Variants in RGSL1 observed in about 807,000 individuals in gnomAD.
The protein encoded by RGSL1 is regulator of G protein signaling like 1, also known as regulator of G protein signaling protein-like.
In RGSL1, 97 loss-of-function variants were observed where a neutral mutation model predicts 124.7. The ratio of observed to expected loss-of-function variants is 0.78; its 90% confidence interval spans 0.66 to 0.92. The LOEUF is 0.92. Ranked by LOEUF, RGSL1 falls within the 40% of genes least tolerant of loss-of-function variation. The probability of loss-of-function intolerance (pLI) is 0.00; values close to 1 mark genes in which losing one functional copy is unlikely to be tolerated. For synonymous variants in RGSL1, 424 were observed against 438.1 expected (o/e 0.97, Z 0.40); for missense variants, 1,233 against 1,288.4 (o/e 0.96, Z 0.66).
intron 16 of RGSL1, 87 bp downstream of exon 16, chr1:182,548,542 T>C (rs1219524222): frequency 2.0e-6 from 3 of 1,525,948 alleles, no homozygotes; most frequent in Non-Finnish European, 1.8e-6. Context: ...GTCAGGCACC[T>C]CATAAGTCCT....
In RGSL1 at chr1:182,473,916, G is replaced by T. The variant is rs367949054; in HGVS notation, c.805G>T (p.Asp269Tyr). The change falls in exon 6 of 22, where the codon GAT becomes TAT. Residue 269 changes from aspartate to tyrosine, a missense_variant. By Grantham distance (160) the Asp-to-Tyr change is radical. Coordinates refer to ENST00000294854, the MANE Select transcript of RGSL1 (RefSeq NM_001137669.2). ...TCCTGACTCTTGGTCTCTGGAAATG[G>T]ATCTCAAGCCAGATGCTATTGGTAT... ...VDPDSWSLEM[D>Y]LKPDAIGMPL... 56 of 1,552,006 alleles carry T rather than the reference G, an allele frequency of 3.6e-5. No individual in the cohort carries two copies. The highest frequency in any genetic ancestry group is 4.5e-5 in the Non-Finnish European group (52 of 1,147,056).
In RGSL1 at chr1:182,549,008, C is replaced by G. The variant is rs1466482582; in HGVS notation, c.2933+184C>G. Reference sequence around the variant, plus strand: ...TCACACAGAACACCAAACACTGAATCCACAGATGGAAGGCAGAGTAAGACT... The same window carrying G: ...TCACACAGAACACCAAACACTGAATGCACAGATGGAAGGCAGAGTAAGACT... On this transcript the variant is annotated intron_variant, in intron 17 of 21. Coordinates refer to ENST00000294854, the MANE Select transcript of RGSL1 (RefSeq NM_001137669.2). The G allele has an allele frequency of 4.5e-6, 3 of 662,988 alleles. No individual in the cohort carries two copies. The African/African-American group carries it at 5.5e-5, about 12-fold the overall frequency. 41.1% of individuals were successfully genotyped at this position (662,988 alleles called of 1,614,324 possible). A position where few individuals can be genotyped will look rare whatever the true frequency, so the allele number is the denominator to read the frequency against.
At chr1:182,457,220 A>G (rs1184438698) in intron 2 of RGSL1, among the ~76,000 whole-genome samples, 1 of 152,154 alleles carries the variant, frequency 6.6e-6, no homozygotes, top group Non-Finnish European at 1.5e-5. Flanking sequence ...CGGTTCTAGG[A>G]GCTGACCAGG....
intron 4 of RGSL1, among the ~76,000 whole-genome samples, chr1:182,470,330 A>G (rs1488827340): frequency 1.3e-5 from 2 of 152,082 alleles, no homozygotes; most frequent in African/African-American, 2.4e-5. Flanking sequence ...TCAAGATCCT[A>G]GAGAACTGGC....
chr1:182,497,070 G>T (rs1366367734), intron 9 of RGSL1, among the ~76,000 whole-genome samples: 2 of 152,012 alleles, frequency 1.3e-5, no homozygotes, highest in African/African-American at 2.4e-5. Flanking sequence ...GTAATATTCT[G>T]CAGAGTAGAT....
At chr1:182,475,102 A>C (rs1382538104) in intron 6 of RGSL1, among the ~76,000 whole-genome samples, 1 of 152,170 alleles carries the variant, frequency 6.6e-6, no homozygotes, top group Non-Finnish European at 1.5e-5. Context: ...GTTGATGTCC[A>C]TTCCTTCTTC....
chr1:182,511,390 C>T (rs1657444616), intron 9 of RGSL1, among the ~76,000 whole-genome samples: 2 of 152,164 alleles, frequency 1.3e-5, no homozygotes, highest in Non-Finnish European at 2.9e-5. Flanking sequence ...TCTCAAACTC[C>T]CGACCTCAGG....
intron 4 of RGSL1, among the ~76,000 whole-genome samples, chr1:182,468,294 T>C (rs925945582): frequency 3.3e-5 from 5 of 152,130 alleles, no homozygotes; most frequent in African/African-American, 1.2e-4. Flanking sequence ...TATAAATCAT[T>C]CTACTATAAA....
intron 4 of RGSL1, among the ~76,000 whole-genome samples, chr1:182,471,948 G>A (rs1399751415): frequency 6.6e-6 from 1 of 152,142 alleles, no homozygotes; most frequent in Non-Finnish European, 1.5e-5. Context: ...CTTTCACTTT[G>A]CCACTCAGAG....
intron 6 of RGSL1, among the ~76,000 whole-genome samples, chr1:182,482,219 T>C (rs1010368230): frequency 6.6e-6 from 1 of 151,988 alleles, no homozygotes; most frequent in Non-Finnish European, 1.5e-5. Flanking sequence ...AAATTACATA[T>C]AGAAGGAAGG....
chr1:182,453,863 G>A (rs1234434263), intron 1 of RGSL1, 95 bp from the exon 2 acceptor site: 1 of 695,110 alleles, frequency 1.4e-6, no homozygotes, highest in Non-Finnish European at 2.6e-6. Context: ...CTGAGATTTG[G>A]CAACGTGAAA....
chr1:182,545,390 T>G (rs79573761), intron 15 of RGSL1, among the ~76,000 whole-genome samples: 2 of 152,196 alleles, frequency 1.3e-5, no homozygotes, highest in Non-Finnish European at 2.9e-5. Flanking sequence ...TTGTTCCTTC[T>G]GACAAATTTG....
chr1:182,520,467 A>G (rs1417700123), intron 9 of RGSL1, among the ~76,000 whole-genome samples: 1 of 152,198 alleles, frequency 6.6e-6, no homozygotes, highest in African/African-American at 2.4e-5. Context: ...CTAAAGACCT[A>G]TGGCTTTGTC....
chr1:182,478,031 GA>G (rs936010558), intron 6 of RGSL1, among the ~76,000 whole-genome samples: 2 of 151,970 alleles, frequency 1.3e-5, no homozygotes, highest in African/African-American at 4.8e-5. Flanking sequence ...AATAACATCT[GA>G]AAAAAAATTT....
chr1:182,552,488 A>G (rs1660626873), intron 18 of RGSL1, among the ~76,000 whole-genome samples: 1 of 152,158 alleles, frequency 6.6e-6, no homozygotes, highest in South Asian at 2.1e-4. Context: ...GGTGTCTTTC[A>G]GGGGAAAGTT....
At chr1:182,452,982 T>C (rs957806333) in intron 1 of RGSL1, among the ~76,000 whole-genome samples, 2 of 152,216 alleles carry the variant, frequency 1.3e-5, no homozygotes, top group Admixed American at 6.5e-5. Flanking sequence ...TGGTGGGCCA[T>C]TGATAAAACA....
At chr1:182,460,678 A>G (rs960213547) in intron 4 of RGSL1, 28 of 455,972 alleles carry the variant, frequency 6.1e-5, no homozygotes, top group Non-Finnish European at 9.7e-5. Flanking sequence ...AGGGACTCCC[A>G]GGAAGATGAT....
At chr1:182,461,442 C>CA (rs1230882577) in intron 4 of RGSL1, among the ~76,000 whole-genome samples, 47 of 149,032 alleles carry the variant, frequency 3.2e-4, no homozygotes, top group Admixed American at 1.6e-3. Context: ...CAGTTTTTAA[C>CA]AAAAAAAAAT....
intron 15 of RGSL1, among the ~76,000 whole-genome samples, chr1:182,544,292 A>G (rs1571700753): frequency 1.3e-5 from 2 of 151,972 alleles, no homozygotes; most frequent in African/African-American, 4.8e-5. Flanking sequence ...TAATTTCCAT[A>G]TACTGTAGGA....
Sources: gnomAD v4.1 joint callset for allele counts (sites outside exome capture counted in the v4.1 genomes callset) on GRCh38, gnomAD v4.1.1 for gene constraint, MANE v1.5 for transcripts, NCBI Gene and HGNC (gene_info 2026-07-23, HGNC 2026-07-21) for gene names.